PIK3C3: variants seen among roughly 807,000 people sequenced by gnomAD.
The protein encoded by PIK3C3 is phosphatidylinositol 3-kinase catalytic subunit type 3.
In PIK3C3, 95 loss-of-function variants were observed where a neutral mutation model predicts 126.1. The ratio of observed to expected loss-of-function variants is 0.75; its 90% CI spans 0.64 to 0.89. PIK3C3 has a LOEUF of 0.89. PIK3C3 is among the 40% of genes least tolerant of loss of function. The probability of loss-of-function intolerance (pLI) is 0.00; values close to 1 mark genes in which losing one functional copy is unlikely to be tolerated. For missense variants in PIK3C3, 829 were observed against 1,063.2 expected, an observed-to-expected ratio of 0.78 and a Z score of 3.06; for synonymous variants, 374 against 360.0, an observed-to-expected ratio of 1.04 and a Z score of -0.44.
chr18:42,038,354 T>C (rs1370909280), intron 17 of PIK3C3, among the ~76,000 whole-genome samples: 1 of 152,136 alleles, frequency 6.6e-6, no homozygotes, highest in East Asian at 1.9e-4. Context: ...TAACTATTTT[T>C]TTTTTTGAGA....
At chr18:42,044,714 C>T (rs1245987213) in intron 20 of PIK3C3, among the ~76,000 whole-genome samples, 1 of 152,114 alleles carries the variant, frequency 6.6e-6, no homozygotes, top group Non-Finnish European at 1.5e-5. Context: ...GCCACCATCC[C>T]CAGCATGTTT....
intron 1 of PIK3C3, 45 bp downstream of exon 1, chr18:41,955,404 G>A: frequency 2.0e-6 from 3 of 1,525,438 alleles, no homozygotes; most frequent in Non-Finnish European, 2.7e-6. Context: ...TGGGGCGTAG[G>A]GACGTGGGGG....
chr18:41,973,823 G>A (rs541171250), intron 4 of PIK3C3, among the ~76,000 whole-genome samples: 17 of 152,048 alleles, frequency 1.1e-4, no homozygotes, highest in African/African-American at 3.1e-4. Flanking sequence ...TATTTCTCAC[G>A]CTACCATTTT....
At chr18:41,967,548 C>T (rs906176120) in intron 3 of PIK3C3, among the ~76,000 whole-genome samples, 2 of 152,120 alleles carry the variant, frequency 1.3e-5, no homozygotes, top group Admixed American at 6.5e-5. Flanking sequence ...AATCTTGTGA[C>T]TATCAGCTCT....
At chr18:42,023,522 A>G (rs1315698087) in intron 13 of PIK3C3, among the ~76,000 whole-genome samples, 1 of 152,270 alleles carries the variant, frequency 6.6e-6, no homozygotes, top group African/African-American at 2.4e-5. Context: ...TCATTGAATC[A>G]ATAGCATATG....
At chr18:41,959,063 A>T (rs1400561656) in intron 2 of PIK3C3, among the ~76,000 whole-genome samples, 1 of 152,190 alleles carries the variant, frequency 6.6e-6, no homozygotes, top group East Asian at 1.9e-4. Flanking sequence ...AAGTCTTCAA[A>T]CCCCTGAAGG....
intron 4 of PIK3C3, among the ~76,000 whole-genome samples, chr18:41,977,352 A>G (rs1411584469): frequency 1.3e-5 from 2 of 152,198 alleles, no homozygotes; most frequent in Non-Finnish European, 2.9e-5. Context: ...TATGTTGTTC[A>G]AAGGAACTAT....
intron 15 of PIK3C3, among the ~76,000 whole-genome samples, chr18:42,031,436 A>G (rs1983822400): frequency 1.3e-5 from 2 of 151,816 alleles, no homozygotes; most frequent in African/African-American, 4.8e-5. Flanking sequence ...TTTTTTTTTG[A>G]GACATAGTCT....
At chr18:42,000,552 C>T (rs677886) in intron 9 of PIK3C3, among the ~76,000 whole-genome samples, 4,717 of 152,182 alleles carry the variant, frequency 0.031, 240 homozygotes, top group African/African-American at 0.11. Context: ...GATTTATATA[C>T]GTGTGTGTTC....
chr18:41,966,240 G>A (rs1320291866), intron 3 of PIK3C3, among the ~76,000 whole-genome samples: 1 of 139,294 alleles, frequency 7.2e-6, no homozygotes, highest in Non-Finnish European at 1.5e-5. Flanking sequence ...GGTGATCTGA[G>A]CTCACTGCAA....
chr18:41,976,364 CAA>C (rs5824387), intron 4 of PIK3C3, among the ~76,000 whole-genome samples: 36 of 139,270 alleles, frequency 2.6e-4, no homozygotes, highest in Admixed American at 2.1e-4. Flanking sequence ...TGTTGAAGAC[CAA>C]AAAAAAAAAA....
chr18:42,034,271 C>G (rs1177131622), intron 16 of PIK3C3, among the ~76,000 whole-genome samples: 1 of 152,232 alleles, frequency 6.6e-6, no homozygotes, highest in South Asian at 2.1e-4. Flanking sequence ...CCAGGCTGGT[C>G]TCATACTCCT....
chr18:42,060,610 A>C (rs1386851913), intron 22 of PIK3C3, among the ~76,000 whole-genome samples: 1 of 151,816 alleles, frequency 6.6e-6, no homozygotes, highest in Non-Finnish European at 1.5e-5. Flanking sequence ...GTCTCTACTA[A>C]AAAAGAAAAT....
chr18:42,020,333 G>A (rs901152911), intron 12 of PIK3C3, among the ~76,000 whole-genome samples: 4 of 152,042 alleles, frequency 2.6e-5, no homozygotes, highest in Admixed American at 2.6e-4. Flanking sequence ...TGTCTTCATT[G>A]TTGCCTTTTC....
chr18:42,036,849 G>A (rs772501595), intron 16 of PIK3C3, among the ~76,000 whole-genome samples: 8 of 152,082 alleles, frequency 5.3e-5, no homozygotes, highest in Non-Finnish European at 1.0e-4. Context: ...AATCTAAAAT[G>A]CTCCAAAATC....
intron 24 of PIK3C3, among the ~76,000 whole-genome samples, chr18:42,068,606 A>G (rs1190953039): frequency 2.7e-5 from 4 of 150,284 alleles, no homozygotes; most frequent in Admixed American, 1.3e-4. Context: ...CCTTCCCCCC[A>G]CCTCCCACTT....
chr18:42,017,124 A>G (rs183752289), intron 12 of PIK3C3, among the ~76,000 whole-genome samples: 9 of 152,030 alleles, frequency 5.9e-5, no homozygotes, highest in African/African-American at 1.9e-4. Flanking sequence ...TGATATTTCT[A>G]TCTTCCCCTA....
chr18:42,019,997 A>G (rs1375642610), intron 12 of PIK3C3, among the ~76,000 whole-genome samples: 3 of 151,374 alleles, frequency 2.0e-5, no homozygotes, highest in African/African-American at 7.3e-5. Context: ...CACCATCTCC[A>G]CTCTCATTAT....
intron 24 of PIK3C3, among the ~76,000 whole-genome samples, chr18:42,075,926 A>G (rs1393267802): frequency 1.3e-5 from 2 of 149,182 alleles, no homozygotes; most frequent in Non-Finnish European, 3.0e-5. Context: ...TAGTGTAGTC[A>G]CCTTCATCAG....
Sources: gnomAD v4.1 joint callset for allele counts (sites outside exome capture counted in the v4.1 genomes callset) on GRCh38, gnomAD v4.1.1 for gene constraint, MANE v1.5 for transcripts, NCBI Gene and HGNC (gene_info 2026-07-23, HGNC 2026-07-21) for gene names.